The following MGAT4D variants were observed in gnomAD, a reference collection of about 807,000 sequenced individuals.
MGAT4D encodes alpha-1,3-mannosyl-glycoprotein 4-beta-N-acetylglucosaminyltransferase-like protein MGAT4D.
A neutral mutation model predicts 15.9 loss-of-function variants in MGAT4D; 34 were observed. The observed-to-expected ratio is 2.14, with a 90% confidence interval of 1.62 to 2.84. The LOEUF is 2.84. Ranked by LOEUF, MGAT4D falls within the 30% of genes most tolerant of loss-of-function variation. The pLI is 0.00. For missense variants in MGAT4D, 327 were observed against 140.2 expected, an observed-to-expected ratio of 2.33 and a Z score of -6.73; for synonymous variants, 112 against 48.2, an observed-to-expected ratio of 2.33 and a Z score of -5.49.
intron 1 of MGAT4D, among the ~76,000 whole-genome samples, chr4:140,485,846 A>AAAAAAAAAAAAAAAAAAAAAAAAAAAT (rs1733087165): frequency 7.4e-6 from 1 of 135,322 alleles, no homozygotes; most frequent in Non-Finnish European, 1.6e-5. Context: ...AAAAAAAAAA[A>AAAAAAAAAAAAAAAAAAAAAAAAAAAT]AAGCAATGAT....
chr4:140,463,991 A>G (rs1427987689), intron 6 of MGAT4D, among the ~76,000 whole-genome samples: 2 of 152,212 alleles, frequency 1.3e-5, no homozygotes, highest in African/African-American at 4.8e-5. Context: ...AAGGAGGATG[A>G]GAGGGACAAT....
intron 7 of MGAT4D, among the ~76,000 whole-genome samples, chr4:140,459,827 C>T (rs752220714): frequency 2.7e-4 from 30 of 109,524 alleles, no homozygotes; most frequent in Non-Finnish European, 4.3e-4. Flanking sequence ...TTTTTTGAGA[C>T]AGGGTCTCAC....
chr4:140,479,236 G>A (rs2085627021), intron 3 of MGAT4D, among the ~76,000 whole-genome samples: 1 of 152,144 alleles, frequency 6.6e-6, no homozygotes, highest in Non-Finnish European at 1.5e-5. Context: ...TATACTTAAT[G>A]TATATTTGAC....
chr4:140,449,243 T>G (rs1482557428), intron 10 of MGAT4D, among the ~76,000 whole-genome samples: 2 of 152,222 alleles, frequency 1.3e-5, no homozygotes, highest in Non-Finnish European at 2.9e-5. Flanking sequence ...GAAATTTGTA[T>G]GTTTATCATA....
At chr4:140,483,749 A>T (rs1217431306) in intron 1 of MGAT4D, among the ~76,000 whole-genome samples, 1 of 152,194 alleles carries the variant, frequency 6.6e-6, no homozygotes, top group Non-Finnish European at 1.5e-5. Flanking sequence ...TTCCAAGAAC[A>T]CACAATAGGG....
chr4:140,467,370 T>C (rs973878897), intron 5 of MGAT4D, among the ~76,000 whole-genome samples: 1 of 152,090 alleles, frequency 6.6e-6, no homozygotes, highest in African/African-American at 2.4e-5. Context: ...GGCAATTTAG[T>C]AGAGGTAAAG....
intron 10 of MGAT4D, among the ~76,000 whole-genome samples, chr4:140,447,617 GA>G (rs1389929133): frequency 7.9e-5 from 12 of 151,920 alleles, no homozygotes; most frequent in Admixed American, 5.9e-4. Context: ...TGGATCTCTT[GA>G]AGACAGCATA....
At chr4:140,464,005 TAG>T (rs1731366301) in intron 6 of MGAT4D, among the ~76,000 whole-genome samples, 1 of 152,000 alleles carries the variant, frequency 6.6e-6, no homozygotes, top group Non-Finnish European at 1.5e-5. Context: ...GGACAATGTG[TAG>T]AGAGATTTTA....
chr4:140,454,726 G>T (rs376312610), intron 9 of MGAT4D, among the ~76,000 whole-genome samples: 9 of 152,036 alleles, frequency 5.9e-5, no homozygotes, highest in African/African-American at 2.2e-4. Flanking sequence ...TTTGGACATG[G>T]AAATTTCCTT....
chr4:140,496,392 T>G (rs1030469579), intron 1 of MGAT4D, among the ~76,000 whole-genome samples: 26 of 152,246 alleles, frequency 1.7e-4, no homozygotes, highest in African/African-American at 4.8e-4. Context: ...AACATATGAA[T>G]GATGATGACA....
chr4:140,467,410 A>G (rs549559833), intron 5 of MGAT4D, among the ~76,000 whole-genome samples: 1 of 152,274 alleles, frequency 6.6e-6, no homozygotes, highest in East Asian at 1.9e-4. Context: ...AGCATACACA[A>G]TCATCAAAAA....
intron 1 of MGAT4D, among the ~76,000 whole-genome samples, chr4:140,495,984 C>T (rs1023608729): frequency 1.1e-4 from 16 of 152,172 alleles, no homozygotes; most frequent in African/African-American, 3.6e-4. Flanking sequence ...CCACCTGCCT[C>T]AGTCTCCCAA....
chr4:140,456,745 C>T, intron 8 of MGAT4D, 26 bp from the exon 9 acceptor site: 1 of 621,310 alleles, frequency 1.6e-6, no homozygotes, highest in Non-Finnish European at 2.9e-6. Flanking sequence ...CAATTAGATG[C>T]AAATAATTCA....
chr4:140,460,125 A>T (rs902865915), intron 7 of MGAT4D, among the ~76,000 whole-genome samples: 1 of 152,116 alleles, frequency 6.6e-6, no homozygotes, highest in African/African-American at 2.4e-5. Flanking sequence ...TCTTTCCTAA[A>T]TACTAAACAT....
At chr4:140,456,532 C>T (rs1055546174) in intron 9 of MGAT4D, 57 bp downstream of exon 9, 5 of 518,520 alleles carry the variant, frequency 9.6e-6, no homozygotes, top group African/African-American at 5.9e-5. Flanking sequence ...TAGGTAATTA[C>T]GTTGGATAGA....
intron 1 of MGAT4D, among the ~76,000 whole-genome samples, chr4:140,494,815 A>G (rs576233001): frequency 5.3e-5 from 8 of 152,272 alleles, no homozygotes; most frequent in African/African-American, 1.7e-4. Context: ...GATAGAACCC[A>G]TGGATGCTGC....
At chr4:140,451,038 T>A (rs1402962055) in intron 10 of MGAT4D, among the ~76,000 whole-genome samples, 1 of 152,212 alleles carries the variant, frequency 6.6e-6, no homozygotes, top group Non-Finnish European at 1.5e-5. Flanking sequence ...TCTGATACAT[T>A]TAAATTAAAT....
intron 10 of MGAT4D, among the ~76,000 whole-genome samples, chr4:140,443,913 T>C (rs1160271431): frequency 2.0e-5 from 3 of 152,112 alleles, no homozygotes; most frequent in Non-Finnish European, 4.4e-5. Flanking sequence ...AAATTCTGCT[T>C]TTAATATAAG....
chr4:140,493,687 A>G (rs1372344085), intron 1 of MGAT4D, among the ~76,000 whole-genome samples: 6 of 152,090 alleles, frequency 3.9e-5, no homozygotes, highest in Non-Finnish European at 7.4e-5. Flanking sequence ...AGAGTTTCTA[A>G]AAATTGTGTC....
Sources: gnomAD v4.1 joint callset for allele counts (sites outside exome capture counted in the v4.1 genomes callset) on GRCh38, gnomAD v4.1.1 for gene constraint, MANE v1.5 for transcripts, NCBI Gene and HGNC (gene_info 2026-07-23, HGNC 2026-07-21) for gene names.